SGCZ: variants seen among roughly 807,000 people sequenced by gnomAD.
SGCZ encodes the protein zeta-sarcoglycan.
In SGCZ, 40 loss-of-function variants were observed where a neutral mutation model predicts 41.3. That is an observed-to-expected ratio of 0.97 (90% CI 0.75 to 1.26). The LOEUF (loss-of-function observed/expected upper bound fraction) is 1.26, where lower values mean the gene tolerates loss of function less well. Among genes scored for constraint, SGCZ ranks in the 50% most tolerant of loss-of-function variants. SGCZ has a pLI of 0.00. For missense variants in SGCZ, 552 were observed against 369.8 expected, an observed-to-expected ratio of 1.49 and a Z score of -4.04; for synonymous variants, 206 against 137.5, an observed-to-expected ratio of 1.50 and a Z score of -3.49.
chr8:15,084,318 T>C (rs1256335662), intron 1 of SGCZ, among the ~76,000 whole-genome samples: 1 of 152,210 alleles, frequency 6.6e-6, no homozygotes, highest in Non-Finnish European at 1.5e-5. Context: ...AATCATTTTA[T>C]GTCTGATATG....
At chr8:14,964,722 A>C (rs937957616) in intron 1 of SGCZ, among the ~76,000 whole-genome samples, 1 of 152,174 alleles carries the variant, frequency 6.6e-6, no homozygotes, top group Non-Finnish European at 1.5e-5. Context: ...CGGGAAAAGC[A>C]GCTCCTTGCA....
At chr8:14,537,623 C>G (rs1803335718) in intron 2 of SGCZ, among the ~76,000 whole-genome samples, 1 of 151,408 alleles carries the variant, frequency 6.6e-6, no homozygotes, top group African/African-American at 2.4e-5. Context: ...CTTTCTCCTT[C>G]CCATCCATCA....
chr8:14,140,179 A>T lies in SGCZ; in HGVS notation c.547+24401T>A, dbSNP rs1310849999. 2.0e-5 allele frequency among the ~76,000 whole-genome samples: 3 copies of T among 152,226 alleles called. No homozygotes were observed. In the East Asian group the frequency reaches 5.8e-4, roughly 29 times the overall value. On this transcript the variant is annotated intron_variant, in intron 5 of 7. Coordinates refer to ENST00000382080, the MANE Select transcript of SGCZ (RefSeq NM_139167.4). Reference sequence around the variant, plus strand: ...TATTGATGGAACGTATCTCAAAATAATAAGAGCTATTTATGACAAACCCAT... The same window carrying T: ...TATTGATGGAACGTATCTCAAAATATTAAGAGCTATTTATGACAAACCCAT...
chr8:14,940,458 TACA>T (rs764326883), intron 1 of SGCZ, among the ~76,000 whole-genome samples: 2 of 152,256 alleles, frequency 1.3e-5, no homozygotes, highest in African/African-American at 4.8e-5. Context: ...GCAAAAAATA[TACA>T]ACAATATCAT....
chr8:14,534,815 C>T (rs116407848), intron 2 of SGCZ, among the ~76,000 whole-genome samples: 3,296 of 152,016 alleles, frequency 0.022, 103 homozygotes, highest in African/African-American at 0.076. Context: ...GCTGATACTA[C>T]TAATATTGTG....
At chr8:14,775,499 G>A (rs903543431) in intron 1 of SGCZ, among the ~76,000 whole-genome samples, 1 of 139,926 alleles carries the variant, frequency 7.1e-6, no homozygotes, top group Non-Finnish European at 1.6e-5. Context: ...GTGTGTGTGT[G>A]TACACAGGGG....
intron 1 of SGCZ, among the ~76,000 whole-genome samples, chr8:14,883,229 G>T (rs1804661128): frequency 8.0e-6 from 1 of 125,276 alleles, no homozygotes. Flanking sequence ...TCAATGTTGG[G>T]CTACTTAAAA....
chr8:14,890,693 T>C (rs1804978830), intron 1 of SGCZ, among the ~76,000 whole-genome samples: 1 of 152,198 alleles, frequency 6.6e-6, no homozygotes. Context: ...TTGACAGGTT[T>C]TCAACATAGA....
At chr8:15,031,979 T>C (rs1458364905) in intron 1 of SGCZ, among the ~76,000 whole-genome samples, 4 of 151,244 alleles carry the variant, frequency 2.6e-5, no homozygotes, top group Non-Finnish European at 5.9e-5. Flanking sequence ...CCCAGTTTCA[T>C]TTTTGCATAC....
At chr8:14,092,916 C>CA (rs34509628) in intron 7 of SGCZ, among the ~76,000 whole-genome samples, 52,299 of 151,882 alleles carry the variant, frequency 0.34, 11,430 homozygotes, top group Non-Finnish European at 0.49. Context: ...CTCCATGAAA[C>CA]ATATTACCTA....
At chr8:14,999,319 T>C (rs1292938921) in intron 1 of SGCZ, among the ~76,000 whole-genome samples, 1 of 152,174 alleles carries the variant, frequency 6.6e-6, no homozygotes, top group African/African-American at 2.4e-5. Context: ...CTGAGATACG[T>C]GTTAATTCTA....
intron 3 of SGCZ, among the ~76,000 whole-genome samples, chr8:14,320,170 T>A (rs1801868377): frequency 6.6e-6 from 1 of 151,780 alleles, no homozygotes; most frequent in Non-Finnish European, 1.5e-5. Flanking sequence ...TTGACTAAAG[T>A]GATTACTGAT....
intron 4 of SGCZ, among the ~76,000 whole-genome samples, chr8:14,178,763 A>T (rs938307068): frequency 3.3e-5 from 5 of 152,272 alleles, no homozygotes; most frequent in Non-Finnish European, 5.9e-5. Context: ...CATGAATAAT[A>T]CAGATAAACT....
intron 1 of SGCZ, among the ~76,000 whole-genome samples, chr8:15,086,849 G>C (rs1805967653): frequency 6.6e-6 from 1 of 152,000 alleles, no homozygotes; most frequent in Non-Finnish European, 1.5e-5. Context: ...CAGCCAGGTG[G>C]AAACTTCAGT....
intron 1 of SGCZ, among the ~76,000 whole-genome samples, chr8:14,598,695 T>C (rs1805493533): frequency 6.6e-6 from 1 of 152,046 alleles, no homozygotes; most frequent in African/African-American, 2.4e-5. Flanking sequence ...CCGGCTAATT[T>C]TTTTTTGTAA....
chr8:14,504,420 G>C (rs1005172486), intron 2 of SGCZ, among the ~76,000 whole-genome samples: 1 of 152,140 alleles, frequency 6.6e-6, no homozygotes, highest in Non-Finnish European at 1.5e-5. Flanking sequence ...GATTTAAAAG[G>C]AAGTTTATAG....
At chr8:14,857,104 G>C (rs973879148) in intron 1 of SGCZ, among the ~76,000 whole-genome samples, 1 of 152,048 alleles carries the variant, frequency 6.6e-6, no homozygotes, top group Non-Finnish European at 1.5e-5. Context: ...ATAAGATCTG[G>C]TGTTTAAAAG....
In SGCZ at chr8:14,088,281, A is replaced by G. The variant is rs1160448609; in HGVS notation, c.*2162T>C. ...GCCTGGAGAGATTCTCGAACTGCCT[A>G]AAACAGCTCAATTGATTAGTAGAAG... On this transcript the variant is annotated 3_prime_UTR_variant, in exon 8 of 8. Coordinates refer to ENST00000382080, the MANE Select transcript of SGCZ (RefSeq NM_139167.4). Among the ~76,000 whole-genome samples the G allele has an allele frequency of 1.3e-5, 2 of 151,818 alleles. No individual in the cohort carries two copies. Among genetic ancestry groups the G allele is most frequent in the Non-Finnish European group, 2.9e-5 (2 of 67,842 alleles).
intron 7 of SGCZ, among the ~76,000 whole-genome samples, chr8:14,097,016 C>T (rs531475988): frequency 9.9e-5 from 15 of 151,824 alleles, no homozygotes; most frequent in Admixed American, 2.0e-4. Context: ...GTCTGGCTAG[C>T]GGTCTATTTT....
Sources: allele counts gnomAD v4.1 joint callset (sites outside exome capture counted in the v4.1 genomes callset), GRCh38; gene constraint gnomAD v4.1.1; transcripts MANE v1.5; gene names NCBI Gene and HGNC (gene_info 2026-07-23, HGNC 2026-07-21).